The following TNR variants were observed in gnomAD, a reference collection of about 807,000 sequenced individuals.
TNR encodes tenascin-R.
TNR carries 45 observed loss-of-function variants against 150.4 expected under a neutral mutation model. That is an observed-to-expected ratio of 0.30 (90% CI 0.24 to 0.38). The LOEUF is 0.38. Ranked by LOEUF, TNR falls within the 10% of genes least tolerant of loss-of-function variation. The pLI, the probability that TNR is intolerant of heterozygous loss-of-function variation, is 1.00. For synonymous variants in TNR, 687 were observed against 678.4 expected (o/e 1.01, Z -0.20); for missense variants, 1,544 against 1,759.1 (o/e 0.88, Z 2.19).
At chr1:175,413,760 C>A (rs1654314686) in intron 2 of TNR, among the ~76,000 whole-genome samples, 1 of 152,080 alleles carries the variant, frequency 6.6e-6, no homozygotes, top group Non-Finnish European at 1.5e-5. Context: ...AAGAGGATGG[C>A]ATTAGGAGGT....
At chr1:175,359,879 T>A in intron 14 of TNR, 148 bp from the exon 15 acceptor site, 1 of 1,063,290 alleles carries the variant, frequency 9.4e-7, no homozygotes, top group Non-Finnish European at 1.3e-6. Context: ...CCCTTTCTCC[T>A]CTTCTGGTTC....
chr1:175,395,975 A>G (rs1436104770), intron 5 of TNR, among the ~76,000 whole-genome samples: 2 of 152,168 alleles, frequency 1.3e-5, no homozygotes, highest in Non-Finnish European at 2.9e-5. Flanking sequence ...GAATCCTTCT[A>G]AATTATGCTC....
At chr1:175,582,679 G>A (rs982651438) in intron 1 of TNR, among the ~76,000 whole-genome samples, 1 of 152,130 alleles carries the variant, frequency 6.6e-6, no homozygotes. Flanking sequence ...TGGACCCAGA[G>A]GACCACACCA....
chr1:175,739,732 C>T (rs965114229), intron 1 of TNR, among the ~76,000 whole-genome samples: 1 of 152,056 alleles, frequency 6.6e-6, no homozygotes, highest in African/African-American at 2.4e-5. Context: ...GAAACGGCAC[C>T]CTCCTCAGCC....
intron 2 of TNR, among the ~76,000 whole-genome samples, chr1:175,444,378 C>T (rs368680907): frequency 2.6e-5 from 4 of 152,090 alleles, no homozygotes; most frequent in East Asian, 1.9e-4. Context: ...ATCAGCTGAA[C>T]GGAATCTGGG....
Position 175,363,908 on chromosome 1 carries a change from C to T in TNR, c.2588-81G>A, listed in dbSNP as rs1571341026. ...ATTCTCATCCCTGGTTTTATGTTGA[C>T]CAAAAGCCAATGTTGTCCCAAAGGC... is the stretch of plus-strand genomic sequence containing the variant. On this transcript the variant is annotated intron_variant, in intron 12 of 22. Transcript: ENST00000367674. The T allele has an allele frequency of 4.0e-6, 6 of 1,508,242 alleles. No homozygotes were observed. In the East Asian group the frequency reaches 1.4e-4, roughly 36 times the overall value. The allele number at this position is 1,508,242 out of a possible 1,614,324, so 93.4% of individuals were successfully genotyped here. A position where few individuals can be genotyped will look rare whatever the true frequency, so the allele number is the denominator to read the frequency against.
chr1:175,680,329 CAG>C (rs1322566399), intron 1 of TNR, among the ~76,000 whole-genome samples: 1 of 151,962 alleles, frequency 6.6e-6, no homozygotes, highest in African/African-American at 2.4e-5. Flanking sequence ...CAGGCAGAGA[CAG>C]ACAGAGATGC....
At chr1:175,358,317 G>A (rs1217541695) in intron 15 of TNR, among the ~76,000 whole-genome samples, 1 of 152,190 alleles carries the variant, frequency 6.6e-6, no homozygotes, top group African/African-American at 2.4e-5. Context: ...TAAGGACTAA[G>A]TGATAAGTGG....
chr1:175,646,683 C>T (rs141612265), intron 1 of TNR, among the ~76,000 whole-genome samples: 36 of 152,350 alleles, frequency 2.4e-4, no homozygotes, highest in African/African-American at 8.7e-4. Context: ...TTTAGAAGTT[C>T]TGGCAACACT....
chr1:175,364,879 T>C, intron 12 of TNR, 131 bp downstream of exon 12: 1 of 1,169,194 alleles, frequency 8.6e-7, no homozygotes, highest in Non-Finnish European at 1.2e-6. Context: ...TCAGAACAGG[T>C]CACAGACTTT....
At chr1:175,608,053 T>C (rs528983937) in intron 1 of TNR, among the ~76,000 whole-genome samples, 2 of 152,206 alleles carry the variant, frequency 1.3e-5, no homozygotes. Flanking sequence ...TTGCTGTCTG[T>C]ACAAGTTCTC....
intron 22 of TNR, 108 bp downstream of exon 22, chr1:175,324,247 CT>C (rs1649228275): frequency 2.5e-6 from 3 of 1,221,246 alleles, no homozygotes; most frequent in Admixed American, 2.7e-5. Context: ...CAAAATATTT[CT>C]TTTTAAAGGG....
chr1:175,417,075 G>GAAATAAAT (rs1553218323), intron 2 of TNR, among the ~76,000 whole-genome samples: 4,568 of 137,724 alleles, frequency 0.033, 211 homozygotes, highest in Admixed American at 0.066. Flanking sequence ...AAGAAAGAAA[G>GAAATAAAT]AAATCTAAGA....
chr1:175,395,409 C>T (rs6676898), intron 5 of TNR, among the ~76,000 whole-genome samples: 30,658 of 152,028 alleles, frequency 0.2, 3,189 homozygotes, highest in Middle Eastern at 0.29. Flanking sequence ...TTTACTGGCC[C>T]GGGGGCTTTC....
rs752946913 is a variant in TNR at position 175,391,304 on chromosome 1, C to T, written c.1491G>A (p.Ser497=). ...LKEQARSPPT[S]ASVSTVIDGP... Reference sequence around the variant, plus strand: ...GGCACTCACCTGTGGAGACGCTGGCCGAGGTAGGGGGGCTGCGGGCCTGTT... The same window carrying T: ...GGCACTCACCTGTGGAGACGCTGGCTGAGGTAGGGGGGCTGCGGGCCTGTT... The change falls in exon 7 of 23, where the codon TCG becomes TCA. Residue 497 remains serine (S), a synonymous_variant. Coordinates refer to ENST00000367674, the MANE Select transcript of TNR (RefSeq NM_003285.3). 4.3e-5 allele frequency: 69 copies of T among 1,613,706 alleles called. No homozygotes were observed. Among genetic ancestry groups the T allele is most frequent in the South Asian group, 2.7e-4 (25 of 91,070 alleles).
intron 1 of TNR, among the ~76,000 whole-genome samples, chr1:175,670,889 A>G (rs971124935): frequency 3.9e-5 from 6 of 152,194 alleles, no homozygotes; most frequent in Non-Finnish European, 7.3e-5. Flanking sequence ...CAGTCTGAAT[A>G]TGGGCAAGTA....
intron 1 of TNR, among the ~76,000 whole-genome samples, chr1:175,542,784 A>C (rs892040042): frequency 1.3e-5 from 2 of 152,214 alleles, no homozygotes; most frequent in Admixed American, 6.5e-5. Context: ...CACACATATA[A>C]TTTTTTAAAC....
At chr1:175,716,039 A>T (rs992576711) in intron 1 of TNR, among the ~76,000 whole-genome samples, 2 of 152,168 alleles carry the variant, frequency 1.3e-5, no homozygotes, top group African/African-American at 4.8e-5. Context: ...CCCATTGCCC[A>T]TCCCCCGCAG....
chr1:175,535,439 AT>A (rs1660236638), intron 1 of TNR, among the ~76,000 whole-genome samples: 1 of 136,018 alleles, frequency 7.4e-6, no homozygotes, highest in African/African-American at 2.7e-5. Context: ...TTATTTATTT[AT>A]TTATTTTTTG....
Sources: allele counts gnomAD v4.1 joint callset (sites outside exome capture counted in the v4.1 genomes callset), GRCh38; gene constraint gnomAD v4.1.1; transcripts MANE v1.5; gene names NCBI Gene and HGNC (gene_info 2026-07-23, HGNC 2026-07-21).